Variants in GBE1 observed in about 807,000 individuals in gnomAD.
GBE1 encodes the protein 1,4-alpha-glucan-branching enzyme.
A neutral mutation model predicts 88.8 loss-of-function variants in GBE1; 70 were observed. The ratio of observed to expected loss-of-function variants is 0.79; its 90% CI spans 0.65 to 0.96. GBE1 has a LOEUF of 0.96. Ranked by LOEUF, GBE1 falls within the 40% of genes least tolerant of loss-of-function variation. The pLI is 0.00. For synonymous variants in GBE1, 284 were observed against 300.1 expected, an observed-to-expected ratio of 0.95 and a Z score of 0.56; for missense variants, 872 against 871.0, an observed-to-expected ratio of 1.00 and a Z score of -0.01.
intron 14 of GBE1, among the ~76,000 whole-genome samples, chr3:81,503,710 G>T (rs887419366): frequency 6.6e-6 from 1 of 152,158 alleles, no homozygotes; most frequent in Non-Finnish European, 1.5e-5. Flanking sequence ...GGAGGTGCGC[G>T]TAAGTCAAAT....
At chr3:81,525,004 T>A (rs1702924942) in intron 14 of GBE1, among the ~76,000 whole-genome samples, 2 of 151,924 alleles carry the variant, frequency 1.3e-5, no homozygotes, top group South Asian at 4.1e-4. Flanking sequence ...CTTGGATTGG[T>A]ATGGTCATTG....
At chr3:81,498,438 A>C (rs529887457) in intron 15 of GBE1, among the ~76,000 whole-genome samples, 2 of 152,312 alleles carry the variant, frequency 1.3e-5, no homozygotes, top group South Asian at 4.1e-4. Flanking sequence ...ATGGCCATAA[A>C]TTAAATAATG....
intron 3 of GBE1, among the ~76,000 whole-genome samples, chr3:81,666,374 C>A (rs766314903): frequency 6.6e-6 from 1 of 152,090 alleles, no homozygotes. Context: ...TTTAAACAGA[C>A]ATTATGAATC....
chr3:81,703,439 A>C (rs1017214402), intron 2 of GBE1, among the ~76,000 whole-genome samples: 9 of 152,112 alleles, frequency 5.9e-5, no homozygotes, highest in Non-Finnish European at 1.3e-4. Flanking sequence ...CAGTCCTTAG[A>C]CCTGTACTTT....
intron 1 of GBE1, among the ~76,000 whole-genome samples, chr3:81,716,017 C>A (rs1181095071): frequency 6.6e-6 from 1 of 152,124 alleles, no homozygotes; most frequent in Non-Finnish European, 1.5e-5. Flanking sequence ...ATTACAAGCA[C>A]ACATTGTGTT....
intron 1 of GBE1, among the ~76,000 whole-genome samples, chr3:81,748,055 G>A (rs1024696647): frequency 6.6e-6 from 1 of 152,194 alleles, no homozygotes; most frequent in Admixed American, 6.5e-5. Context: ...GGGAGGCAGA[G>A]GTTGCAGTGA....
intron 9 of GBE1, among the ~76,000 whole-genome samples, chr3:81,589,672 T>C (rs1025722982): frequency 6.6e-6 from 1 of 152,082 alleles, no homozygotes; most frequent in African/African-American, 2.4e-5. Flanking sequence ...AACTTTCATG[T>C]ATTAAATCAT....
intron 14 of GBE1, among the ~76,000 whole-genome samples, chr3:81,519,582 TG>T (rs71633680): frequency 4.7e-5 from 7 of 150,278 alleles, no homozygotes; most frequent in African/African-American, 9.8e-5. Flanking sequence ...ATAAATAAGC[TG>T]GGGGGGGTTA....
At chr3:81,557,285 A>G (rs1351386985) in intron 12 of GBE1, among the ~76,000 whole-genome samples, 15 of 152,148 alleles carry the variant, frequency 9.9e-5, no homozygotes, top group Non-Finnish European at 1.0e-4. Context: ...AAGCCTAAAC[A>G]AATGCAACAG....
intron 12 of GBE1, among the ~76,000 whole-genome samples, chr3:81,547,766 A>T (rs1005896774): frequency 6.6e-6 from 1 of 151,070 alleles, no homozygotes; most frequent in Admixed American, 6.6e-5. Flanking sequence ...CTGTGAGGCT[A>T]ATCTTAAGCT....
rs370127984 is a variant in GBE1 at position 81,687,068 on chromosome 3, T to A, written c.314-16115A>T. On this transcript the variant is annotated intron_variant, in intron 2 of 15. Coordinates refer to ENST00000429644, the MANE Select transcript of GBE1 (RefSeq NM_000158.4). ...AGTTCGAAAACAATAAATACTCTAC[T>A]ATAGATCCGTCAATCAGATCCAGGA... Among the ~76,000 whole-genome samples, 21 of 152,350 alleles carry A rather than the reference T, an allele frequency of 1.4e-4. No individual in the cohort carries two copies. In the East Asian group the frequency reaches 3.7e-3, roughly 27 times the overall value.
Position 81,537,038 on chromosome 3 carries a change from C to G in GBE1, c.1676G>C (p.Ser559Thr). Residue 559 changes from serine (S) to threonine (T), a missense_variant, in exon 13 of 16, where the codon AGT becomes ACT. Ser to Thr is a moderately conservative substitution (Grantham distance 58). Coordinates refer to ENST00000429644, the MANE Select transcript of GBE1 (RefSeq NM_000158.4). ...LDFPRKGNNE[S>T]YHYARRQFHL... ...AAACTGCCGCCTGGCATAATGGTAA[C>G]TCTCATTATTTCCTTTTCTTGGGAA... 1 of 1,579,038 alleles carries G rather than the reference C, an allele frequency of 6.3e-7. No individual in the cohort carries two copies. The highest frequency in any genetic ancestry group is 8.6e-7 in the Non-Finnish European group (1 of 1,165,444).
intron 12 of GBE1, among the ~76,000 whole-genome samples, chr3:81,548,093 T>G (rs569715635): frequency 6.6e-6 from 1 of 151,470 alleles, no homozygotes; most frequent in Non-Finnish European, 1.5e-5. Context: ...TGGTTTGATA[T>G]CAGTGTGACA....
intron 11 of GBE1, among the ~76,000 whole-genome samples, chr3:81,578,453 T>C (rs1703679168): frequency 6.6e-6 from 1 of 151,538 alleles, no homozygotes; most frequent in Non-Finnish European, 1.5e-5. Context: ...TTAAAATAGA[T>C]TGTATATAAT....
chr3:81,720,187 A>AT (rs1352262338), intron 1 of GBE1, among the ~76,000 whole-genome samples: 1 of 152,116 alleles, frequency 6.6e-6, no homozygotes, highest in Non-Finnish European at 1.5e-5. Flanking sequence ...TACAAAGATC[A>AT]TAAGAGCTTT....
At chr3:81,661,384 T>C (rs1705029339) in intron 3 of GBE1, among the ~76,000 whole-genome samples, 1 of 152,200 alleles carries the variant, frequency 6.6e-6, no homozygotes, top group Non-Finnish European at 1.5e-5. Context: ...TAATGGTGAT[T>C]CATTTGTACA....
At chr3:81,517,921 C>T (rs1171852309) in intron 14 of GBE1, among the ~76,000 whole-genome samples, 4 of 151,358 alleles carry the variant, frequency 2.6e-5, no homozygotes, top group African/African-American at 9.7e-5. Context: ...ATACTCCTAT[C>T]AGAGATTTAG....
At chr3:81,561,461 T>C (rs1389607331) in intron 12 of GBE1, among the ~76,000 whole-genome samples, 1 of 152,054 alleles carries the variant, frequency 6.6e-6, no homozygotes, top group Non-Finnish European at 1.5e-5. Context: ...GAAACTTTAC[T>C]TCCCTCGTAA....
chr3:81,560,401 C>T (rs1236948778), intron 12 of GBE1, among the ~76,000 whole-genome samples: 1 of 151,874 alleles, frequency 6.6e-6, no homozygotes, highest in African/African-American at 2.4e-5. Flanking sequence ...GATAATACAG[C>T]TGCCTACTAT....
Sources: gnomAD v4.1 joint callset for allele counts (sites outside exome capture counted in the v4.1 genomes callset) on GRCh38, gnomAD v4.1.1 for gene constraint, MANE v1.5 for transcripts, NCBI Gene and HGNC (gene_info 2026-07-23, HGNC 2026-07-21) for gene names.